Variants in SCHIP1 observed in about 807,000 individuals in gnomAD.
SCHIP1 encodes the protein schwannomin-interacting protein 1.
A neutral mutation model predicts 29.7 loss-of-function variants in SCHIP1; 8 were observed. That is an observed-to-expected ratio of 0.27 (90% CI 0.16 to 0.49). SCHIP1 has a LOEUF of 0.49. Ranked by LOEUF, SCHIP1 falls within the 20% of genes least tolerant of loss-of-function variation. The pLI is 0.99. For synonymous variants in SCHIP1, 76 were observed against 94.9 expected, an observed-to-expected ratio of 0.80 and a Z score of 1.16; for missense variants, 193 against 294.6, an observed-to-expected ratio of 0.66 and a Z score of 2.52.
the SCHIP1 span, among the ~76,000 whole-genome samples, chr3:159,775,533 C>T: frequency 1.8e-4 from 27 of 152,348 alleles, no homozygotes; most frequent in African/African-American, 5.5e-4. Context: ...CTGCCTGTTT[C>T]GCCTTTCTCT....
At chr3:159,460,105 A>G in the SCHIP1 span, among the ~76,000 whole-genome samples, 1 of 152,226 alleles carries the variant, frequency 6.6e-6, no homozygotes, top group Non-Finnish European at 1.5e-5. Context: ...GGGCTACAAA[A>G]TAGCATCAGC....
At chr3:159,842,119 G>A (rs982187801) in intron 1 of SCHIP1, among the ~76,000 whole-genome samples, 7 of 151,866 alleles carry the variant, frequency 4.6e-5, no homozygotes, top group Non-Finnish European at 8.8e-5. Context: ...AATGGCTTTC[G>A]GAAACTTCCC....
At chr3:159,506,064 G>A in the SCHIP1 span, among the ~76,000 whole-genome samples, 1 of 152,208 alleles carries the variant, frequency 6.6e-6, no homozygotes, top group African/African-American at 2.4e-5. Flanking sequence ...TACAATGGTT[G>A]AACTAGTGTA....
At chr3:159,810,035 T>G in the SCHIP1 span, among the ~76,000 whole-genome samples, 1 of 152,172 alleles carries the variant, frequency 6.6e-6, no homozygotes, top group Non-Finnish European at 1.5e-5. Flanking sequence ...TACCGTAAAA[T>G]TCACCTTTTT....
At chr3:159,611,759 G>C in the SCHIP1 span, among the ~76,000 whole-genome samples, 1 of 152,104 alleles carries the variant, frequency 6.6e-6, no homozygotes, top group Non-Finnish European at 1.5e-5. Context: ...TTACATATGA[G>C]TAAATTGACC....
the SCHIP1 span, among the ~76,000 whole-genome samples, chr3:159,295,301 C>T: frequency 7.6e-5 from 11 of 144,426 alleles, no homozygotes; most frequent in South Asian, 2.2e-4. Flanking sequence ...TGGTGGTGTG[C>T]GCCTGTAGTC....
chr3:159,731,581 G>A, the SCHIP1 span, among the ~76,000 whole-genome samples: 1 of 152,188 alleles, frequency 6.6e-6, no homozygotes, highest in African/African-American at 2.4e-5. Flanking sequence ...GCGCAAATGT[G>A]TCTTACAACA....
the SCHIP1 span, among the ~76,000 whole-genome samples, chr3:159,374,254 C>T: frequency 2.0e-5 from 3 of 152,038 alleles, no homozygotes; most frequent in African/African-American, 4.8e-5. Flanking sequence ...TCTATTTGTA[C>T]TTTGCTCTGG....
chr3:159,296,641 G>A, the SCHIP1 span, among the ~76,000 whole-genome samples: 18 of 152,066 alleles, frequency 1.2e-4, no homozygotes, highest in Admixed American at 1.2e-3. Flanking sequence ...TGGGCATGGT[G>A]GGGGGATACC....
chr3:159,665,546 T>TTGTGTGTGTGTGTGTG, the SCHIP1 span, among the ~76,000 whole-genome samples: 1,338 of 147,532 alleles, frequency 9.1e-3, 21 homozygotes, highest in African/African-American at 0.031. Flanking sequence ...GTTTTTGGGG[T>TTGTGTGTGTGTGTGTG]TGTGTGTGTG....
chr3:159,433,769 C>CT, the SCHIP1 span, among the ~76,000 whole-genome samples: 4 of 152,168 alleles, frequency 2.6e-5, no homozygotes, highest in Non-Finnish European at 1.5e-5. Flanking sequence ...AAAACAGTGA[C>CT]TAGTGCATTA....
At chr3:159,777,572 G>T in the SCHIP1 span, among the ~76,000 whole-genome samples, 1 of 151,984 alleles carries the variant, frequency 6.6e-6, no homozygotes, top group Non-Finnish European at 1.5e-5. Context: ...TTTGTTATTT[G>T]TAGTCAGGGA....
At chr3:159,442,224 G>A in the SCHIP1 span, among the ~76,000 whole-genome samples, 6 of 152,196 alleles carry the variant, frequency 3.9e-5, no homozygotes, top group Non-Finnish European at 5.9e-5. Context: ...TAAACTCACA[G>A]GAGGTATACT....
chr3:159,611,343 G>A, the SCHIP1 span, among the ~76,000 whole-genome samples: 2 of 152,030 alleles, frequency 1.3e-5, no homozygotes, highest in Admixed American at 1.3e-4. Flanking sequence ...GCAATACTAT[G>A]CAGCCATAAA....
chr3:159,848,786 A>G (rs1712183554), intron 1 of SCHIP1, among the ~76,000 whole-genome samples: 1 of 152,276 alleles, frequency 6.6e-6, no homozygotes, highest in Non-Finnish European at 1.5e-5. Context: ...TTGAGTAGCA[A>G]AACTCTAGAA....
chr3:159,867,970 G>GTGATTTATATATATATATATAAATCAT (rs1714804488), intron 2 of SCHIP1, among the ~76,000 whole-genome samples: 2 of 143,852 alleles, frequency 1.4e-5, no homozygotes, highest in Non-Finnish European at 1.5e-5. Flanking sequence ...TTGAAAATCA[G>GTGATTTATATATATATATATAAATCAT]TGATTTATAT....
chr3:159,650,167 C>T, the SCHIP1 span, among the ~76,000 whole-genome samples: 1 of 152,124 alleles, frequency 6.6e-6, no homozygotes, highest in Non-Finnish European at 1.5e-5. Context: ...TCTGTCCCCT[C>T]TTTGTTCTCC....
chr3:159,324,009 T>A, the SCHIP1 span, among the ~76,000 whole-genome samples: 1 of 152,130 alleles, frequency 6.6e-6, no homozygotes, highest in African/African-American at 2.4e-5. Flanking sequence ...ACAGAGTTAG[T>A]GTTTACCTTC....
the SCHIP1 span, among the ~76,000 whole-genome samples, chr3:159,823,007 G>A: frequency 4.0e-5 from 6 of 151,892 alleles, no homozygotes; most frequent in African/African-American, 9.7e-5. Context: ...TGAAAGGAAC[G>A]CTTATGAGAG....
Sources: allele counts gnomAD v4.1 joint callset (sites outside exome capture counted in the v4.1 genomes callset), GRCh38; gene constraint gnomAD v4.1.1; transcripts MANE v1.5; gene names NCBI Gene and HGNC (gene_info 2026-07-23, HGNC 2026-07-21).